The following KIAA1217 variants were observed in gnomAD, a reference collection of about 807,000 sequenced individuals.
The protein encoded by KIAA1217 is sickle tail protein homolog.
A neutral mutation model predicts 163.9 loss-of-function variants in KIAA1217; 88 were observed. That is an observed-to-expected ratio of 0.54 (90% CI 0.45 to 0.64). KIAA1217 has a LOEUF of 0.64. KIAA1217 is among the 30% of genes least tolerant of loss of function. KIAA1217 has a pLI of 0.00. For missense variants in KIAA1217, 2,372 were observed against 2,475.0 expected, an observed-to-expected ratio of 0.96 and a Z score of 0.88; for synonymous variants, 903 against 923.1, an observed-to-expected ratio of 0.98 and a Z score of 0.39.
At chr10:24,202,581 G>C (rs975604561) in intron 2 of KIAA1217, among the ~76,000 whole-genome samples, 7 of 152,164 alleles carry the variant, frequency 4.6e-5, no homozygotes, top group African/African-American at 1.7e-4. Flanking sequence ...CTGTGCTCTG[G>C]TTGCACCCTT....
chr10:23,997,083 A>G (rs1197074461), intron 1 of KIAA1217, among the ~76,000 whole-genome samples: 2 of 152,210 alleles, frequency 1.3e-5, no homozygotes, highest in African/African-American at 4.8e-5. Context: ...GTGATTCCCA[A>G]GTCTCTTCTA....
At chr10:24,183,804 C>T (rs1288101055) in intron 2 of KIAA1217, among the ~76,000 whole-genome samples, 1 of 152,196 alleles carries the variant, frequency 6.6e-6, no homozygotes, top group Non-Finnish European at 1.5e-5. Context: ...TGGTTCTGCA[C>T]CTCACAGCAA....
chr10:24,107,394 G>A (rs2062674245), intron 2 of KIAA1217, among the ~76,000 whole-genome samples: 2 of 152,202 alleles, frequency 1.3e-5, no homozygotes, highest in South Asian at 2.1e-4. Context: ...CTTTGAGTAT[G>A]TGCCCAGTAA....
At chr10:24,141,168 C>T (rs1435526897) in intron 2 of KIAA1217, among the ~76,000 whole-genome samples, 1 of 150,542 alleles carries the variant, frequency 6.6e-6, no homozygotes, top group East Asian at 1.9e-4. Flanking sequence ...AGGAGAATCC[C>T]CTTATTTCTG....
At chr10:24,378,242 A>C (rs2052787945) in intron 2 of KIAA1217, among the ~76,000 whole-genome samples, 1 of 152,178 alleles carries the variant, frequency 6.6e-6, no homozygotes, top group Admixed American at 6.5e-5. Flanking sequence ...AAGTTCAGGT[A>C]ACTACTTCTT....
chr10:24,462,985 G>A (rs2062576785), intron 5 of KIAA1217, among the ~76,000 whole-genome samples: 2 of 152,204 alleles, frequency 1.3e-5, no homozygotes, highest in Non-Finnish European at 2.9e-5. Context: ...CAGGAAATGG[G>A]TGGATGTGCA....
At chr10:23,731,101 CT>C (rs1008838807) in intron 1 of KIAA1217, among the ~76,000 whole-genome samples, 39 of 151,846 alleles carry the variant, frequency 2.6e-4, no homozygotes, top group African/African-American at 8.2e-4. Context: ...GGAAGGAGAG[CT>C]TTTTTTTCAG....
At chr10:23,897,801 T>G (rs979001429) in intron 1 of KIAA1217, among the ~76,000 whole-genome samples, 1 of 151,784 alleles carries the variant, frequency 6.6e-6, no homozygotes. Flanking sequence ...AAAAAAGGTT[T>G]TATATAAAAT....
At chr10:24,370,737 G>A (rs928165263) in intron 2 of KIAA1217, among the ~76,000 whole-genome samples, 4 of 151,996 alleles carry the variant, frequency 2.6e-5, no homozygotes, top group Non-Finnish European at 5.9e-5. Flanking sequence ...TGTGCACCAC[G>A]ACTCCTGGCT....
chr10:24,271,630 T>C (rs2076776381), intron 2 of KIAA1217, among the ~76,000 whole-genome samples: 1 of 151,958 alleles, frequency 6.6e-6, no homozygotes, highest in South Asian at 2.1e-4. Context: ...CATGTACTTG[T>C]AGTCCCAGGT....
intron 2 of KIAA1217, among the ~76,000 whole-genome samples, chr10:24,242,494 C>T (rs1376307716): frequency 6.6e-6 from 1 of 152,128 alleles, no homozygotes; most frequent in Non-Finnish European, 1.5e-5. Context: ...TCCAGTCCAC[C>T]ATTGACGGAC....
chr10:24,501,123 A>C (rs925794609), intron 8 of KIAA1217, among the ~76,000 whole-genome samples: 9 of 152,248 alleles, frequency 5.9e-5, no homozygotes, highest in African/African-American at 2.2e-4. Flanking sequence ...AATTGATAGA[A>C]CAATCAGTGG....
chr10:24,426,624 G>GA (rs918008301), intron 3 of KIAA1217, among the ~76,000 whole-genome samples: 29 of 148,430 alleles, frequency 2.0e-4, no homozygotes, highest in Middle Eastern at 3.5e-3. Context: ...GACTCTGTCT[G>GA]AAAAAAAAAA....
Position 23,843,483 on chromosome 10 carries a change from C to T in KIAA1217, c.-321+148249C>T, listed in dbSNP as rs778237544. Among the ~76,000 whole-genome samples, 11 of 152,262 alleles carry T rather than the reference C, an allele frequency of 7.2e-5. No homozygotes were observed. The East Asian group carries it at 1.9e-3, about 27-fold the overall frequency. On this transcript the variant is annotated intron_variant, in intron 1 of 18. Transcript: ENST00000376462. ...CTGATCCTGTTCTCCCAAGTGTTTTCAGCCAGTTTCCAGAAGTGCAGGTCT... is the reference window on the plus strand; with the variant it reads ...CTGATCCTGTTCTCCCAAGTGTTTTTAGCCAGTTTCCAGAAGTGCAGGTCT...
intron 2 of KIAA1217, among the ~76,000 whole-genome samples, chr10:24,251,363 T>A (rs2074488535): frequency 7.7e-6 from 1 of 129,604 alleles, no homozygotes; most frequent in South Asian, 2.4e-4. Context: ...TTGTAACTAC[T>A]GCATTCTAGC....
At position 23,800,718 on chromosome 10, in the gene KIAA1217, G is replaced by GA. The variant is rs1312887028; in HGVS notation, c.-321+105491dup. Among the ~76,000 whole-genome samples the GA allele has an allele frequency of 3.3e-5, 5 of 152,086 alleles. No individual in the cohort carries two copies. In the South Asian group the frequency reaches 8.3e-4, roughly 25 times the overall value. ...GGCGTAATTAAAAAAGCAAACATAT[G>GA]AAAAAAACCTTATTATCACTGGTTA... On this transcript the variant is annotated intron_variant, in intron 1 of 18. Coordinates refer to the KIAA1217 transcript ENST00000376462.
rs117633693 is a variant in KIAA1217 at position 24,148,592 on chromosome 10, T to C, written c.-170-71034T>C. Among the ~76,000 whole-genome samples, 99 of 152,258 alleles carry C rather than the reference T, an allele frequency of 6.5e-4. 2 individuals are homozygous for C. The East Asian group carries it at 0.012, about 18-fold the overall frequency. ...TTGTTTAAGGGAGCTTGACACTGCC[T>C]CCTCACTCTCTTCTTGCTCCCTCTC... On this transcript the variant is annotated intron_variant, in intron 2 of 18. Coordinates refer to the KIAA1217 transcript ENST00000376462.
intron 5 of KIAA1217, among the ~76,000 whole-genome samples, chr10:24,470,836 A>T (rs894632884): frequency 2.0e-5 from 3 of 152,052 alleles, no homozygotes; most frequent in African/African-American, 7.2e-5. Flanking sequence ...TTGTCTATGT[A>T]AAACTTGCAG....
chr10:23,712,394 A>C (rs1432843718), intron 1 of KIAA1217, among the ~76,000 whole-genome samples: 1 of 151,760 alleles, frequency 6.6e-6, no homozygotes, highest in Non-Finnish European at 1.5e-5. Flanking sequence ...ATGTTCATTG[A>C]CTTGGCTACC....
Sources: gnomAD v4.1 joint callset for allele counts (sites outside exome capture counted in the v4.1 genomes callset) on GRCh38, gnomAD v4.1.1 for gene constraint, MANE v1.5 for transcripts, NCBI Gene and HGNC (gene_info 2026-07-23, HGNC 2026-07-21) for gene names.